The following SMOC2 variants were observed in gnomAD, a reference collection of about 807,000 sequenced individuals.
SMOC2 encodes SPARC-related modular calcium-binding protein 2.
A neutral mutation model predicts 61.4 loss-of-function variants in SMOC2; 39 were observed. That is an observed-to-expected ratio of 0.64 (90% confidence interval 0.49 to 0.83). The LOEUF is 0.83. SMOC2 is among the 40% of genes least tolerant of loss of function. SMOC2 has a pLI of 0.00. For synonymous variants in SMOC2, 247 were observed against 239.9 expected (o/e 1.03, Z -0.27); for missense variants, 556 against 592.9 (o/e 0.94, Z 0.65).
chr6:168,588,309 A>G (rs1785092850), intron 7 of SMOC2, among the ~76,000 whole-genome samples: 1 of 151,868 alleles, frequency 6.6e-6, no homozygotes, highest in Admixed American at 6.6e-5. Context: ...TTTTTAGTAG[A>G]GACAGGGTTT....
At chr6:168,530,508 A>G (rs939889823) in intron 4 of SMOC2, among the ~76,000 whole-genome samples, 1 of 152,170 alleles carries the variant, frequency 6.6e-6, no homozygotes, top group Admixed American at 6.5e-5. Flanking sequence ...CCTGATGACC[A>G]GTAAAGGCAG....
chr6:168,475,740 GA>G lies in SMOC2; in HGVS notation c.85-34173del, dbSNP rs1239033514. On this transcript the variant is annotated intron_variant, in intron 1 of 12. Coordinates refer to ENST00000356284, the MANE Select transcript of SMOC2 (RefSeq NM_001166412.2). This position sits in a 1 kb window ranked among gnomAD's most constrained non-coding sequence, Gnocchi z 4.6. Reference sequence around the variant, plus strand: ...AGGACACTGCTCGGCGTTAGAAGAAGAAGTAGTGAAGGGCAGTATTGGTGGA... The same window carrying G: ...AGGACACTGCTCGGCGTTAGAAGAAGAGTAGTGAAGGGCAGTATTGGTGGA... Among the ~76,000 whole-genome samples, 1 of 152,162 alleles carries G rather than the reference GA, an allele frequency of 6.6e-6. No individual in the cohort carries two copies. Among genetic ancestry groups the G allele is most frequent in the Non-Finnish European group, 1.5e-5 (1 of 68,018 alleles).
chr6:168,658,435 G>C (rs978477434), intron 11 of SMOC2, among the ~76,000 whole-genome samples: 1 of 152,032 alleles, frequency 6.6e-6, no homozygotes, highest in Non-Finnish European at 1.5e-5. Flanking sequence ...TTCCTGGGTG[G>C]TGCAGGCTGG....
intron 1 of SMOC2, among the ~76,000 whole-genome samples, chr6:168,483,077 T>C (rs1392723528): frequency 6.6e-6 from 1 of 151,900 alleles, no homozygotes; most frequent in Non-Finnish European, 1.5e-5. Flanking sequence ...GAAAAATAAA[T>C]ACAAATTGGA....
chr6:168,501,021 T>C (rs1307603199), intron 1 of SMOC2, among the ~76,000 whole-genome samples: 2 of 152,206 alleles, frequency 1.3e-5, no homozygotes, highest in Non-Finnish European at 2.9e-5. Context: ...CAGTATTTCA[T>C]AGGGGACTTG....
chr6:168,539,385 C>T (rs1783824438), intron 4 of SMOC2, among the ~76,000 whole-genome samples: 1 of 152,196 alleles, frequency 6.6e-6, no homozygotes, highest in South Asian at 2.1e-4. Flanking sequence ...AGCGCCCAGA[C>T]AGGCAGCTCC....
rs1787669229 is a variant in SMOC2 at position 168,666,634 on chromosome 6, A to T, written c.*196A>T. ...GAGAGCTGGCTTCAGAAAATTAATC[A>T]CATACAATGTATGTGTCCTCTTTTG... is the stretch of plus-strand genomic sequence containing the variant. On this transcript the variant is annotated 3_prime_UTR_variant, in exon 13 of 13. Transcript: ENST00000356284. The T allele has an allele frequency of 1.6e-6, 1 of 635,822 alleles. No homozygotes were observed. The highest frequency in any genetic ancestry group is 2.8e-6 in the Non-Finnish European group (1 of 357,964). 39.4% of individuals were successfully genotyped at this position (635,822 alleles called of 1,614,324 possible).
At chr6:168,529,160 T>C (rs556656807) in intron 4 of SMOC2, among the ~76,000 whole-genome samples, 1 of 152,386 alleles carries the variant, frequency 6.6e-6, no homozygotes, top group Non-Finnish European at 1.5e-5. Context: ...ACTCACGTTG[T>C]TGCTTCCAAC....
At chr6:168,532,224 A>G (rs1050832617) in intron 4 of SMOC2, among the ~76,000 whole-genome samples, 28 of 151,980 alleles carry the variant, frequency 1.8e-4, no homozygotes, top group Admixed American at 1.8e-3. Flanking sequence ...GGGTCTGTAG[A>G]TGGCTTTATG....
intron 1 of SMOC2, among the ~76,000 whole-genome samples, chr6:168,498,466 G>T (rs777215971): frequency 2.6e-5 from 4 of 151,886 alleles, no homozygotes; most frequent in Admixed American, 6.6e-5. Flanking sequence ...AAATGTCGAG[G>T]CTATCAGCGA....
At chr6:168,450,939 A>G (rs1468185756) in intron 1 of SMOC2, among the ~76,000 whole-genome samples, 1 of 152,172 alleles carries the variant, frequency 6.6e-6, no homozygotes, top group African/African-American at 2.4e-5. Context: ...TATTATTTTT[A>G]TTCAAACTAG....
chr6:168,522,074 T>G (rs1202795862), intron 2 of SMOC2, among the ~76,000 whole-genome samples: 1 of 152,240 alleles, frequency 6.6e-6, no homozygotes, highest in African/African-American at 2.4e-5. Context: ...TTTAAAGTGT[T>G]AATATTATAA....
intron 9 of SMOC2, among the ~76,000 whole-genome samples, chr6:168,649,927 A>G (rs766242437): frequency 1.5e-4 from 23 of 152,162 alleles, no homozygotes; most frequent in Non-Finnish European, 2.8e-4. Context: ...GAGAAAGTGG[A>G]TGGCTTCTTT....
At chr6:168,569,996 T>A (rs1784627137) in intron 7 of SMOC2, among the ~76,000 whole-genome samples, 3 of 152,222 alleles carry the variant, frequency 2.0e-5, no homozygotes, top group Non-Finnish European at 2.9e-5. Flanking sequence ...GTTTTACACG[T>A]AGCTCTGTGG....
chr6:168,555,021 G>C (rs1449623233), intron 7 of SMOC2, among the ~76,000 whole-genome samples: 1 of 152,204 alleles, frequency 6.6e-6, no homozygotes, highest in East Asian at 1.9e-4. Context: ...CCTGATAAAG[G>C]GGGAAAGTGG....
At chr6:168,518,196 T>G (rs1783192401) in intron 2 of SMOC2, among the ~76,000 whole-genome samples, 1 of 152,144 alleles carries the variant, frequency 6.6e-6, no homozygotes, top group African/African-American at 2.4e-5. Flanking sequence ...GGCCGGAGTG[T>G]CGCCTGGCTC....
At chr6:168,602,076 C>A (rs921144977) in intron 8 of SMOC2, among the ~76,000 whole-genome samples, 12 of 152,178 alleles carry the variant, frequency 7.9e-5, no homozygotes, top group African/African-American at 4.8e-5. Flanking sequence ...CAACAACATT[C>A]AAACCCTCTT....
chr6:168,658,398 C>G (rs1277496766), intron 11 of SMOC2, among the ~76,000 whole-genome samples: 1 of 152,006 alleles, frequency 6.6e-6, no homozygotes, highest in Non-Finnish European at 1.5e-5. Flanking sequence ...AAGTGTAGAT[C>G]TGTTTCTAAC....
At chr6:168,480,534 C>T (rs1326942439) in intron 1 of SMOC2, among the ~76,000 whole-genome samples, 16 of 151,690 alleles carry the variant, frequency 1.1e-4, no homozygotes, top group African/African-American at 3.9e-4. Context: ...AAAGGATCAG[C>T]AAACTTAAAG....
Sources: allele counts gnomAD v4.1 joint callset (sites outside exome capture counted in the v4.1 genomes callset), GRCh38; gene constraint gnomAD v4.1.1; non-coding constraint Gnocchi (gnomAD v3.1); transcripts MANE v1.5; gene names NCBI Gene and HGNC (gene_info 2026-07-23, HGNC 2026-07-21).